The following CCSER1 variants were observed in gnomAD, a reference collection of about 807,000 sequenced individuals.
CCSER1 encodes coiled-coil serine rich protein 1, also known as serine-rich coiled-coil domain-containing protein 1.
CCSER1 carries 41 observed loss-of-function variants against 82.0 expected under a neutral mutation model. The ratio of observed to expected loss-of-function variants is 0.50; its 90% CI spans 0.39 to 0.65. The LOEUF is 0.65. CCSER1 is among the 30% of genes least tolerant of loss of function. The probability of loss-of-function intolerance (pLI) is 0.00; values close to 1 mark genes in which losing one functional copy is unlikely to be tolerated. For synonymous variants in CCSER1, 414 were observed against 383.9 expected, an observed-to-expected ratio of 1.08 and a Z score of -0.92; for missense variants, 1,119 against 1,064.2, an observed-to-expected ratio of 1.05 and a Z score of -0.72.
intron 8 of CCSER1, among the ~76,000 whole-genome samples, chr4:90,856,310 T>C (rs149083375): frequency 4.2e-4 from 58 of 137,598 alleles, no homozygotes; most frequent in Non-Finnish European, 6.8e-4. Flanking sequence ...GCTGCAGTTA[T>C]TATTTTGCAA....
chr4:91,221,468 T>G (rs751110373), intron 10 of CCSER1, among the ~76,000 whole-genome samples: 6 of 152,014 alleles, frequency 3.9e-5, no homozygotes, highest in Non-Finnish European at 8.8e-5. Context: ...TATTAAAGAG[T>G]GTTATAATAT....
intron 10 of CCSER1, among the ~76,000 whole-genome samples, chr4:91,528,673 T>C (rs1342771939): frequency 6.6e-6 from 1 of 152,180 alleles, no homozygotes; most frequent in Non-Finnish European, 1.5e-5. Context: ...TAATAAACAT[T>C]AGATGTAAAA....
At chr4:91,242,421 C>G (rs1414024477) in intron 10 of CCSER1, among the ~76,000 whole-genome samples, 1 of 152,146 alleles carries the variant, frequency 6.6e-6, no homozygotes, top group African/African-American at 2.4e-5. Context: ...CTAATAATTA[C>G]CTTCATCTGA....
chr4:91,196,445 T>C (rs975004073), intron 10 of CCSER1, among the ~76,000 whole-genome samples: 1 of 152,174 alleles, frequency 6.6e-6, no homozygotes, highest in East Asian at 1.9e-4. Context: ...AATTTGTTTC[T>C]TTAAAAACAG....
rs149620955 is a variant in CCSER1, at chr4:90,744,845, C to G, written c.2010+20854C>G. Among the ~76,000 whole-genome samples, 1,387 of 152,024 alleles carry G rather than the reference C, an allele frequency of 9.1e-3. 17 individuals carry two copies. The highest frequency in any genetic ancestry group is 0.031 in the African/African-American group (1,290 of 41,456). On this transcript the variant is annotated intron_variant, in intron 7 of 10. Coordinates refer to ENST00000509176, the MANE Select transcript of CCSER1 (RefSeq NM_001145065.2). ...GAATAGTTTCATCCTGAAACAAGTC[C>G]CCTATCCATGGAAAAATTGTCTTCC...
intron 3 of CCSER1, among the ~76,000 whole-genome samples, chr4:90,376,841 G>A (rs79921392): frequency 6.6e-6 from 1 of 152,186 alleles, no homozygotes; most frequent in Admixed American, 6.5e-5. Context: ...GCAAGCAGAG[G>A]CACTCACATA....
At chr4:90,849,363 G>A (rs1176895924) in intron 8 of CCSER1, among the ~76,000 whole-genome samples, 1 of 152,212 alleles carries the variant, frequency 6.6e-6, no homozygotes, top group Admixed American at 6.5e-5. Flanking sequence ...CCCTGCCCTA[G>A]AGATCTGTGG....
At chr4:91,139,859 T>C (rs2148926830) in intron 10 of CCSER1, among the ~76,000 whole-genome samples, 1 of 152,300 alleles carries the variant, frequency 6.6e-6, no homozygotes, top group South Asian at 2.1e-4. Context: ...AGTACTTTTT[T>C]TCAGCCAGTC....
intron 10 of CCSER1, among the ~76,000 whole-genome samples, chr4:91,483,146 AAGAATT>A (rs111679549): frequency 4.0e-4 from 61 of 152,342 alleles, no homozygotes; most frequent in African/African-American, 1.4e-3. Flanking sequence ...AGAAAAAAAA[AAGAATT>A]AGTAAATGTA....
intron 10 of CCSER1, among the ~76,000 whole-genome samples, chr4:91,537,542 A>C (rs1259646186): frequency 6.6e-6 from 1 of 152,020 alleles, no homozygotes; most frequent in African/African-American, 2.4e-5. Context: ...AACTTTTAAA[A>C]CCTAAAGGAC....
At chr4:91,257,472 TACACACACACACAC>T (rs34423543) in intron 10 of CCSER1, among the ~76,000 whole-genome samples, 1 of 148,896 alleles carries the variant, frequency 6.7e-6, no homozygotes, top group Non-Finnish European at 1.5e-5. Flanking sequence ...AATACATACC[TACACACACACACAC>T]ACACACACAC....
At chr4:90,128,346 G>T (rs911148193) in intron 1 of CCSER1, among the ~76,000 whole-genome samples, 1 of 152,198 alleles carries the variant, frequency 6.6e-6, no homozygotes, top group African/African-American at 2.4e-5. Flanking sequence ...GTGCGGGGCC[G>T]GGACCACCTC....
chr4:90,870,707 T>TGTAGAAGTACTTCCTCC (rs1766362916), intron 8 of CCSER1, among the ~76,000 whole-genome samples: 1 of 151,668 alleles, frequency 6.6e-6, no homozygotes, highest in South Asian at 2.1e-4. Flanking sequence ...ACTGAATGCA[T>TGTAGAAGTACTTCCTCC]GTAGAAGTAC....
chr4:91,402,801 T>G (rs2149361518), intron 10 of CCSER1, among the ~76,000 whole-genome samples: 1 of 152,340 alleles, frequency 6.6e-6, no homozygotes, highest in South Asian at 2.1e-4. Context: ...ACTGTAGCCT[T>G]GTAGTATAGT....
chr4:90,380,673 T>C (rs150099117), intron 3 of CCSER1, among the ~76,000 whole-genome samples: 1 of 152,348 alleles, frequency 6.6e-6, no homozygotes, highest in African/African-American at 2.4e-5. Context: ...GTTTCTGTTA[T>C]CTGGATCTAG....
chr4:90,620,958 C>T (rs958650310), intron 5 of CCSER1, among the ~76,000 whole-genome samples: 3 of 152,076 alleles, frequency 2.0e-5, no homozygotes, highest in Non-Finnish European at 2.9e-5. Context: ...ACATTATGGT[C>T]GTGCATCAAC....
chr4:90,726,156 T>C (rs1267285410), intron 7 of CCSER1, among the ~76,000 whole-genome samples: 1 of 151,980 alleles, frequency 6.6e-6, no homozygotes, highest in East Asian at 1.9e-4. Flanking sequence ...TACTCCACTT[T>C]CTTAGTCAGT....
At chr4:91,322,142 C>T (rs1347542936) in intron 10 of CCSER1, among the ~76,000 whole-genome samples, 1 of 152,004 alleles carries the variant, frequency 6.6e-6, no homozygotes, top group Admixed American at 6.6e-5. Context: ...TTGTCTTTAG[C>T]AGGGTTAAAA....
In CCSER1 at chr4:90,309,616, G is replaced by T. The variant is rs2153479255; in HGVS notation, c.1324+8G>T. 4 of 1,535,868 alleles carry T rather than the reference G, an allele frequency of 2.6e-6. No homozygotes were observed. The highest frequency in any genetic ancestry group is 2.5e-5 in the South Asian group (2 of 78,662). ...AAGCAAATCCTGCCAAAGGTATGCT[G>T]ATTTTTTTTGTATAACAAATGATAT... On this transcript the variant is annotated splice_region_variant and intron_variant, in intron 2 of 10. Transcript: ENST00000509176.
Sources: allele counts gnomAD v4.1 joint callset (sites outside exome capture counted in the v4.1 genomes callset), GRCh38; gene constraint gnomAD v4.1.1; transcripts MANE v1.5; gene names NCBI Gene and HGNC (gene_info 2026-07-23, HGNC 2026-07-21).